CRYBG1: variants seen among roughly 807,000 people sequenced by gnomAD.
The protein encoded by CRYBG1 is crystallin beta-gamma domain containing 1.
A neutral mutation model predicts 189.2 loss-of-function variants in CRYBG1; 139 were observed. That is an observed-to-expected ratio of 0.73 (90% confidence interval 0.64 to 0.85). The LOEUF (loss-of-function observed/expected upper bound fraction) is 0.85. Among genes scored for constraint, CRYBG1 ranks in the 40% least tolerant of loss-of-function variants. CRYBG1 has a pLI of 0.00. For missense variants in CRYBG1, 2,611 were observed against 2,675.8 expected (o/e 0.98, Z 0.53); for synonymous variants, 1,023 against 1,017.1 (o/e 1.01, Z -0.11).
In CRYBG1 at chr6:106,520,728, G is replaced by A; in HGVS notation, c.3520G>A (p.Ala1174Thr). The change falls in exon 4 of 22, where the codon GCT becomes ACT. Residue 1174 changes from alanine to threonine, a missense_variant. By Grantham distance (58) the Ala-to-Thr change is moderately conservative (BLOSUM62 0). Coordinates refer to ENST00000633556, the MANE Select transcript of CRYBG1 (RefSeq NM_001371242.2). ...GGAAAGTCAGCCAGAAATGTCACCG[G>A]CTTTACATTTGATGCAGAACCTTGA... ...KKESQPEMSP[A>T]LHLMQNLDTK... 6.2e-7 allele frequency: 1 copy of A among 1,614,106 alleles called. No homozygotes were observed. The highest frequency in any genetic ancestry group is 8.5e-7 in the Non-Finnish European group (1 of 1,180,024).
At position 106,553,442 on chromosome 6, in the gene CRYBG1, T is replaced by C. The variant is rs763923371; in HGVS notation, c.5473-13T>C. ...GAAAATAATTTTATGTGTTTCTGTTTACTTTTTCAAAGATTCACTTGTTTT... is the reference window on the plus strand; with the variant it reads ...GAAAATAATTTTATGTGTTTCTGTTCACTTTTTCAAAGATTCACTTGTTTT... On this transcript the variant is annotated splice_polypyrimidine_tract_variant and intron_variant, in intron 15 of 21. Coordinates refer to ENST00000633556, the MANE Select transcript of CRYBG1 (RefSeq NM_001371242.2). The C allele has an allele frequency of 6.4e-7, 1 of 1,560,146 alleles. No homozygotes were observed. Among genetic ancestry groups the C allele is most frequent in the Non-Finnish European group, 8.8e-7 (1 of 1,131,446 alleles).
chr6:106,377,621 T>TTATATATA lies in CRYBG1; in HGVS notation c.173+16560_173+16567dup, dbSNP rs373644273. ...TGTGTAACTCATAAGTCCTAAGGTT[T>TTATATATA]TATATATATATATATATATATATAT... On this transcript the variant is annotated intron_variant, in intron 1 of 21. Coordinates refer to ENST00000633556, the MANE Select transcript of CRYBG1 (RefSeq NM_001371242.2). 1.0e-3 allele frequency among the ~76,000 whole-genome samples: 71 copies of TTATATATA among 69,492 alleles called. 3 individuals carry two copies. The highest frequency in any genetic ancestry group is 2.3e-3 in the African/African-American group (64 of 28,062). The allele number at this position is 69,492 out of a possible 152,430, so 45.6% of individuals were successfully genotyped here.
rs371660752 is a variant in CRYBG1 at position 106,379,104 on chromosome 6, G to A, written c.173+18023G>A. Among the ~76,000 whole-genome samples the A allele has an allele frequency of 6.6e-5, 10 of 152,164 alleles. No individual in the cohort carries two copies. In the South Asian group the frequency reaches 1.7e-3, roughly 25 times the overall value. ...GCAGAGGTTGCAGTGAGTTGAGATC[G>A]CGCCACTGCATTTCAGCCTGGGCGA... On this transcript the variant is annotated intron_variant, in intron 1 of 21. Coordinates refer to ENST00000633556, the MANE Select transcript of CRYBG1 (RefSeq NM_001371242.2).
At position 106,474,158 on chromosome 6, in the gene CRYBG1, T is replaced by C. The variant is rs150253250; in HGVS notation, c.312+22326T>C. Among the ~76,000 whole-genome samples the C allele has an allele frequency of 7.5e-4, 115 of 152,356 alleles. 1 individual carries two copies. Among genetic ancestry groups the C allele is most frequent in the African/African-American group, 2.6e-3 (109 of 41,588 alleles). On this transcript the variant is annotated intron_variant, in intron 2 of 21. Coordinates refer to ENST00000633556, the MANE Select transcript of CRYBG1 (RefSeq NM_001371242.2). Reference sequence around the variant, plus strand: ...ATTGTCAACACTGACTGTTACACTTTTGCCAGTGTGTTTTTACTATAAACC... The same window carrying C: ...ATTGTCAACACTGACTGTTACACTTCTGCCAGTGTGTTTTTACTATAAACC...
intron 3 of CRYBG1, among the ~76,000 whole-genome samples, chr6:106,517,983 C>T (rs1696286627): frequency 6.6e-6 from 1 of 152,152 alleles, no homozygotes; most frequent in Non-Finnish European, 1.5e-5. Flanking sequence ...CCAACAGTTG[C>T]ATAATTGATA....
At position 106,548,742 on chromosome 6, in the gene CRYBG1, TA is replaced by T. The variant is rs200909905; in HGVS notation, c.5313-3107del. 4.6e-3 allele frequency among the ~76,000 whole-genome samples: 698 copies of T among 151,520 alleles called. 12 individuals are homozygous for T. The highest frequency in any genetic ancestry group is 0.016 in the African/African-American group (667 of 41,428). On this transcript the variant is annotated intron_variant, in intron 13 of 21. Coordinates refer to ENST00000633556, the MANE Select transcript of CRYBG1 (RefSeq NM_001371242.2). ...TTGTAACGTAGATTTTCTTTTTTTT[TA>T]AATTTTATTATTATTATACTTTAAG...
chr6:106,555,400 G>T (rs1342103768), intron 16 of CRYBG1, among the ~76,000 whole-genome samples: 1 of 151,930 alleles, frequency 6.6e-6, no homozygotes, highest in Non-Finnish European at 1.5e-5. Flanking sequence ...AATAGGCCTT[G>T]GTGATTAACT....
At chr6:106,407,477 C>T (rs138691913) in intron 1 of CRYBG1, among the ~76,000 whole-genome samples, 8 of 152,222 alleles carry the variant, frequency 5.3e-5, no homozygotes, top group East Asian at 1.9e-4. Flanking sequence ...CACAGATCAA[C>T]GAGACAGAAA....
rs184700685 is a variant in CRYBG1 at position 106,429,534 on chromosome 6, T to G, written c.174-22160T>G. Among the ~76,000 whole-genome samples the G allele has an allele frequency of 9.8e-5, 15 of 152,378 alleles. 1 individual carries two copies. In the East Asian group the frequency reaches 2.9e-3, roughly 29 times the overall value. On this transcript the variant is annotated intron_variant, in intron 1 of 21. Coordinates refer to ENST00000633556, the MANE Select transcript of CRYBG1 (RefSeq NM_001371242.2). Reference sequence around the variant, plus strand: ...ACTCTAGGCCAAAATATGGCTTTTATTTTTAGCTATTGCTGTGGGATATAT... The same window carrying G: ...ACTCTAGGCCAAAATATGGCTTTTAGTTTTAGCTATTGCTGTGGGATATAT...
rs571295601 is a variant in CRYBG1, at chr6:106,361,054, C to T, written c.146C>T (p.Pro49Leu). 6.5e-7 allele frequency: 1 copy of T among 1,534,790 alleles called. No individual in the cohort carries two copies. Among genetic ancestry groups the T allele is most frequent in the African/African-American group, 1.4e-5 (1 of 73,052 alleles). ...PPDCGVFVPH[P>L]LPAPAGEARA... Reference sequence around the variant, plus strand: ...GACTGTGGGGTGTTCGTTCCGCACCCGCTCCCGGCGCCTGCCGGAGAGGCC... The same window carrying T: ...GACTGTGGGGTGTTCGTTCCGCACCTGCTCCCGGCGCCTGCCGGAGAGGCC... The change falls in exon 1 of 22, where the codon CCG (proline) becomes CTG (leucine). Residue 49 changes from proline to leucine, a missense_variant. Transcript: ENST00000633556.
At chr6:106,463,661 C>T (rs541007319) in intron 2 of CRYBG1, among the ~76,000 whole-genome samples, 1 of 152,274 alleles carries the variant, frequency 6.6e-6, no homozygotes, top group East Asian at 1.9e-4. Flanking sequence ...TTGATGTTGG[C>T]AGTTTGTTGA....
chr6:106,519,310 A>G lies in CRYBG1; in HGVS notation c.2102A>G (p.Gln701Arg). 1 of 1,613,946 alleles carries G rather than the reference A, an allele frequency of 6.2e-7. No individual in the cohort carries two copies. Among genetic ancestry groups the G allele is most frequent in the East Asian group, 2.2e-5 (1 of 44,890 alleles). Residue 701 changes from glutamine (Q) to arginine (R), a missense_variant, in exon 4 of 22, where the codon CAA becomes CGA. Physicochemically the swap from Gln to Arg is conservative, Grantham distance 43. Around this residue, in one of 3 missense-constraint regions of CRYBG1, gnomAD observed 1,622 missense variants for 1,735.0 expected, o/e 0.93. Transcript: ENST00000633556. ...SSPRHTDIRG[Q>R]RNTPASSKTF... ...CCAAGACACACTGACATTCGAGGCC[A>G]AAGGAATACTCCTGCCTCTAGTAAA... is the stretch of plus-strand genomic sequence containing the variant.
intron 2 of CRYBG1, among the ~76,000 whole-genome samples, chr6:106,460,015 T>G (rs1771973407): frequency 2.0e-5 from 3 of 152,144 alleles, no homozygotes; most frequent in Non-Finnish European, 4.4e-5. Context: ...AGCTCTTTTG[T>G]TTTTGTTTGT....
Position 106,512,506 on chromosome 6 carries a change from G to C in CRYBG1, c.1389G>C (p.Ala463=). 1 of 1,610,962 alleles carries C rather than the reference G, an allele frequency of 6.2e-7. No individual in the cohort carries two copies. ...APNAASDNAS[A]EKKVKSPRAA... is the part of the protein sequence containing the mutation. ...ACGCGGCCAGCGATAACGCCTCGGC[G>C]GAAAAGAAAGTGAAATCTCCGCGGG... The change falls in exon 3 of 22, where the codon GCG becomes GCC. Residue 463 remains alanine, a synonymous_variant. Transcript: ENST00000633556.
chr6:106,385,711 C>T (rs9386534), intron 1 of CRYBG1, among the ~76,000 whole-genome samples: 1 of 152,084 alleles, frequency 6.6e-6, no homozygotes, highest in Non-Finnish European at 1.5e-5. Context: ...TCCTCTCTAA[C>T]AATTATGTTT....
At chr6:106,424,805 TCCTG>T (rs1771195822) in intron 1 of CRYBG1, among the ~76,000 whole-genome samples, 1 of 152,034 alleles carries the variant, frequency 6.6e-6, no homozygotes, top group Non-Finnish European at 1.5e-5. Context: ...ACACCACCAG[TCCTG>T]TCTGCCCGTC....
chr6:106,561,304 C>A (rs779002679), intron 19 of CRYBG1, 38 bp from the exon 20 acceptor site: 1 of 1,603,512 alleles, frequency 6.2e-7, no homozygotes. Context: ...TCCAGCAGCA[C>A]ATCTGGTATA....
chr6:106,366,120 A>G (rs542041095), intron 1 of CRYBG1, among the ~76,000 whole-genome samples: 1 of 152,344 alleles, frequency 6.6e-6, no homozygotes, highest in South Asian at 2.1e-4. Flanking sequence ...GCATTCTGGA[A>G]CTGTAGAGTG....
intron 2 of CRYBG1, among the ~76,000 whole-genome samples, chr6:106,465,570 G>A (rs1452612633): frequency 2.0e-5 from 3 of 152,126 alleles, no homozygotes; most frequent in East Asian, 3.8e-4. Flanking sequence ...TTGACAGATC[G>A]CTGAATCCGT....
Sources: gnomAD v4.1 joint callset for allele counts (sites outside exome capture counted in the v4.1 genomes callset) on GRCh38, gnomAD v4.1.1 for gene constraint, gnomAD v4.1.1 regional missense constraint, MANE v1.5 for transcripts, NCBI Gene and HGNC (gene_info 2026-07-23, HGNC 2026-07-21) for gene names.